Variants in DNAAF9 observed in about 807,000 individuals in gnomAD.
DNAAF9 encodes shulin.
In DNAAF9, 90 loss-of-function variants were observed where a neutral mutation model predicts 167.0. The ratio of observed to expected loss-of-function variants is 0.54; its 90% CI spans 0.45 to 0.64. The LOEUF (loss-of-function observed/expected upper bound fraction) is 0.64, where lower values mean the gene tolerates loss of function less well. Among genes scored for constraint, DNAAF9 ranks in the 30% least tolerant of loss-of-function variants. The pLI is 0.00. For synonymous variants in DNAAF9, 491 were observed against 508.8 expected (o/e 0.96, Z 0.47); for missense variants, 1,315 against 1,442.2 (o/e 0.91, Z 1.43).
chr20:3,260,427 G>A (rs1031648063), intron 31 of DNAAF9, among the ~76,000 whole-genome samples: 45 of 152,306 alleles, frequency 3.0e-4, no homozygotes, highest in African/African-American at 1.1e-3. Context: ...GTTTAAATAT[G>A]TATATGCCTC....
intron 7 of DNAAF9, 121 bp downstream of exon 7, chr20:3,359,395 C>T (rs985915746): frequency 4.3e-6 from 3 of 703,712 alleles, no homozygotes; most frequent in African/African-American, 1.9e-5. Context: ...GAAGAAACTG[C>T]TCTATTTTTT....
chr20:3,272,816 AT>A (rs1053952374), intron 29 of DNAAF9, among the ~76,000 whole-genome samples: 28 of 152,136 alleles, frequency 1.8e-4, no homozygotes, highest in African/African-American at 6.7e-4. Flanking sequence ...TAGTTTAATT[AT>A]TTTTTTATTA....
intron 34 of DNAAF9, 125 bp from the exon 35 acceptor site, chr20:3,255,409 C>A: frequency 1.5e-6 from 1 of 647,228 alleles, no homozygotes; most frequent in Non-Finnish European, 2.9e-6. Context: ...TGCGCTATGG[C>A]CTGGATATAA....
chr20:3,397,318 G>GTTTTGT (rs2083923275), intron 1 of DNAAF9, among the ~76,000 whole-genome samples: 1 of 142,014 alleles, frequency 7.0e-6, no homozygotes, highest in African/African-American at 2.7e-5. Flanking sequence ...TTTTTGTTTT[G>GTTTTGT]TTTTGTTTTT....
intron 20 of DNAAF9, among the ~76,000 whole-genome samples, chr20:3,310,212 C>T (rs549528099): frequency 1.5e-5 from 2 of 132,186 alleles, no homozygotes; most frequent in Non-Finnish European, 3.3e-5. Flanking sequence ...GAAAGATGAA[C>T]AAACGAACTA....
chr20:3,317,276 G>A (rs371668667), intron 17 of DNAAF9, among the ~76,000 whole-genome samples: 2 of 149,398 alleles, frequency 1.3e-5, no homozygotes, highest in Admixed American at 6.7e-5. Context: ...TGGGAAAATC[G>A]CTTGAGCCCA....
At chr20:3,290,685 C>T (rs1013439500) in intron 25 of DNAAF9, among the ~76,000 whole-genome samples, 1 of 151,970 alleles carries the variant, frequency 6.6e-6, no homozygotes, top group African/African-American at 2.4e-5. Flanking sequence ...ATGCCCCAGG[C>T]TACACTGGTG....
At chr20:3,289,538 T>C (rs1299290713) in intron 26 of DNAAF9, among the ~76,000 whole-genome samples, 1 of 152,122 alleles carries the variant, frequency 6.6e-6, no homozygotes, top group Non-Finnish European at 1.5e-5. Context: ...TTTGTTTTTT[T>C]AATCAGGGTC....
intron 31 of DNAAF9, among the ~76,000 whole-genome samples, chr20:3,260,775 G>A (rs2068371594): frequency 6.6e-6 from 1 of 152,128 alleles, no homozygotes; most frequent in Admixed American, 6.5e-5. Flanking sequence ...GATCACAGGC[G>A]TGTGCGCCAC....
At chr20:3,387,230 T>C (rs950749581) in intron 1 of DNAAF9, among the ~76,000 whole-genome samples, 1 of 152,180 alleles carries the variant, frequency 6.6e-6, no homozygotes, top group Non-Finnish European at 1.5e-5. Flanking sequence ...ATTAAAGCTG[T>C]AGAACTCACA....
chr20:3,321,948 G>A (rs1024370322), intron 16 of DNAAF9, among the ~76,000 whole-genome samples: 1 of 152,186 alleles, frequency 6.6e-6, no homozygotes, highest in Admixed American at 6.5e-5. Flanking sequence ...AACCCAGAAA[G>A]AGGTGCCTCC....
chr20:3,260,039 T>G lies in DNAAF9; in HGVS notation c.2874-11A>C, dbSNP rs767876865. On this transcript the variant is annotated splice_polypyrimidine_tract_variant and intron_variant, in intron 31 of 36. Transcript: ENST00000252032. ...AATTTACCTTCATACCTTAAAAGGTTTAAAAAATTTTAAGTACAGGCCGGG... is the reference window on the plus strand; with the variant it reads ...AATTTACCTTCATACCTTAAAAGGTGTAAAAAATTTTAAGTACAGGCCGGG... 5 of 1,528,936 alleles carry G rather than the reference T, an allele frequency of 3.3e-6. No individual in the cohort carries two copies. The highest frequency in any genetic ancestry group is 2.2e-5 in the East Asian group (1 of 44,446). The allele number at this position is 1,528,936 out of a possible 1,614,324, so 94.7% of individuals were successfully genotyped here.
At chr20:3,261,012 G>A (rs2068376235) in intron 31 of DNAAF9, among the ~76,000 whole-genome samples, 1 of 151,970 alleles carries the variant, frequency 6.6e-6, no homozygotes, top group African/African-American at 2.4e-5. Context: ...ATATAGATGT[G>A]TACACCTGTC....
intron 1 of DNAAF9, among the ~76,000 whole-genome samples, chr20:3,402,942 A>C (rs994819790): frequency 6.6e-6 from 1 of 152,166 alleles, no homozygotes; most frequent in Non-Finnish European, 1.5e-5. Flanking sequence ...AGTCTTTTCA[A>C]TCTGGAAACG....
At chr20:3,290,041 G>C in intron 26 of DNAAF9, 88 bp downstream of exon 26, 1 of 806,788 alleles carries the variant, frequency 1.2e-6, no homozygotes, top group East Asian at 2.4e-5. Flanking sequence ...GTCCCACCAA[G>C]GCCAGTACAT....
intron 29 of DNAAF9, among the ~76,000 whole-genome samples, chr20:3,278,698 G>A (rs1028053164): frequency 1.3e-5 from 2 of 152,142 alleles, no homozygotes; most frequent in East Asian, 1.9e-4. Flanking sequence ...CAATCTGGGC[G>A]ACAGAGTAAG....
chr20:3,259,153 C>A (rs1474307462), intron 33 of DNAAF9, among the ~76,000 whole-genome samples: 2 of 152,158 alleles, frequency 1.3e-5, no homozygotes, highest in African/African-American at 4.8e-5. Flanking sequence ...GGTTTTAGGT[C>A]TAGAGGAGGC....
intron 25 of DNAAF9, among the ~76,000 whole-genome samples, chr20:3,293,407 G>A (rs551225642): frequency 6.7e-5 from 10 of 149,648 alleles, no homozygotes; most frequent in African/African-American, 9.8e-5. Flanking sequence ...TCTGGGGGCC[G>A]GGCACAGTGG....
At chr20:3,313,536 G>A (rs2069450009) in intron 20 of DNAAF9, among the ~76,000 whole-genome samples, 1 of 152,164 alleles carries the variant, frequency 6.6e-6, no homozygotes. Flanking sequence ...TCACATAAAG[G>A]CTATATTCAA....
Sources: allele counts gnomAD v4.1 joint callset (sites outside exome capture counted in the v4.1 genomes callset), GRCh38; gene constraint gnomAD v4.1.1; transcripts MANE v1.5; gene names NCBI Gene and HGNC (gene_info 2026-07-23, HGNC 2026-07-21).